The following MUC17 variants were observed in gnomAD, a reference collection of about 807,000 sequenced individuals.
MUC17 encodes the protein mucin 17, cell surface associated, also known as mucin-17.
A neutral mutation model predicts 170.3 loss-of-function variants in MUC17; 190 were observed. The ratio of observed to expected loss-of-function variants is 1.12; its 90% CI spans 0.99 to 1.26. The LOEUF (loss-of-function observed/expected upper bound fraction) is 1.26, where lower values mean the gene tolerates loss of function less well. Among genes scored for constraint, MUC17 ranks in the 50% most tolerant of loss-of-function variants. The probability of loss-of-function intolerance (pLI) is 0.00; values close to 1 mark genes in which losing one functional copy is unlikely to be tolerated. For missense variants in MUC17, 6,415 were observed against 5,530.0 expected (o/e 1.16, Z -5.08); for synonymous variants, 2,325 against 2,002.5 (o/e 1.16, Z -4.30).
Position 101,035,561 on chromosome 7 carries a change from A to C in MUC17, c.4145A>C (p.Glu1382Ala), listed in dbSNP as rs1398969786. ...GCCTGTTCATCTCCTACAACTTCTGAAGGTACCAGCATGCCAAACTCAAAT... is the reference window on the plus strand; with the variant it reads ...GCCTGTTCATCTCCTACAACTTCTGCAGGTACCAGCATGCCAAACTCAAAT... ...TEACSSPTTS[E>A]GTSMPNSNPS... Residue 1382 changes from glutamate to alanine, a missense_variant, in exon 3 of 13, where the codon GAA becomes GCA. Transcript: ENST00000306151. 3.1e-6 allele frequency: 5 copies of C among 1,602,312 alleles called. No individual in the cohort carries two copies. Among genetic ancestry groups the C allele is most frequent in the Non-Finnish European group, 4.3e-6 (5 of 1,173,486 alleles).
intron 3 of MUC17, among the ~76,000 whole-genome samples, chr7:101,045,170 A>T (rs1196157201): frequency 2.0e-5 from 3 of 152,214 alleles, no homozygotes; most frequent in Non-Finnish European, 2.9e-5. Context: ...ATACATTTTT[A>T]AAAGTATGCT....
chr7:101,041,837 A>G lies in MUC17; in HGVS notation c.10421A>G (p.Glu3474Gly), dbSNP rs901825587. 1.2e-6 allele frequency: 2 copies of G among 1,613,920 alleles called. No homozygotes were observed. The highest frequency in any genetic ancestry group is 2.7e-5 in the African/African-American group (2 of 74,846). Residue 3474 changes from glutamate (E) to glycine (G), a missense_variant, in exon 3 of 13, where the codon GAG becomes GGG. Physicochemically the swap from Glu to Gly is moderately conservative, Grantham distance 98. Coordinates refer to ENST00000306151, the MANE Select transcript of MUC17 (RefSeq NM_001040105.2). ...PLSTTPVASSEASTLSTTPVD... is the reference protein window; with the variant it reads ...PLSTTPVASSGASTLSTTPVD... ...AGTACCACGCCGGTGGCCAGTTCTG[A>G]GGCTAGCACCCTTTCAACAACTCCT...
intron 7 of MUC17, among the ~76,000 whole-genome samples, chr7:101,051,174 T>C (rs1284640871): frequency 2.6e-5 from 4 of 151,870 alleles, no homozygotes; most frequent in African/African-American, 2.4e-5. Context: ...GAAACCAGCC[T>C]GGTCAACGTG....
rs1302002845 is a variant in MUC17 at position 101,037,343 on chromosome 7, C to T, written c.5927C>T (p.Pro1976Leu). 6 of 1,613,870 alleles carry T rather than the reference C, an allele frequency of 3.7e-6. No homozygotes were observed. Among genetic ancestry groups the T allele is most frequent in the East Asian group, 2.2e-5 (1 of 44,872 alleles). Residue 1976 changes from proline (P) to leucine (L), a missense_variant, in exon 3 of 13, where the codon CCA becomes CTA. Physicochemically the swap from Pro to Leu is moderately conservative, Grantham distance 98 (BLOSUM62 -3). Coordinates refer to ENST00000306151, the MANE Select transcript of MUC17 (RefSeq NM_001040105.2). ...SPTTADGTSM[P>L]TPAYSEGSTP... is the part of the protein sequence containing the mutation. ...ACAACTGCTGATGGTACCAGCATGC[C>T]AACCCCAGCTTATAGTGAAGGAAGC...
rs763336522 is a variant in MUC17, at chr7:101,032,780, C to A, written c.1364C>A (p.Thr455Lys). 4.3e-6 allele frequency: 7 copies of A among 1,614,024 alleles called. No individual in the cohort carries two copies. Among genetic ancestry groups the A allele is most frequent in the Non-Finnish European group, 5.9e-6 (7 of 1,180,014 alleles). Residue 455 changes from threonine (T) to lysine (K), a missense_variant, in exon 3 of 13, where the codon ACA (threonine) becomes AAA (lysine). Physicochemically the swap from Thr to Lys is moderately conservative, Grantham distance 78 (BLOSUM62 -1). Coordinates refer to ENST00000306151, the MANE Select transcript of MUC17 (RefSeq NM_001040105.2). ...CCTAGTGAAGGAAGCACTCCATTAA[C>A]AAGTATGCCTGTCAGCACCACTCCA... The part of the protein sequence containing the change: ...STPSEGSTPL[T>K]SMPVSTTPVA...
Position 101,035,093 on chromosome 7 carries a change from TC to T in MUC17, c.3678del (p.Arg1227AspfsTer24). On this transcript the variant is annotated frameshift_variant, in exon 3 of 13. Coordinates refer to ENST00000306151, the MANE Select transcript of MUC17 (RefSeq NM_001040105.2). LOFTEE classifies it high-confidence loss of function. ...ERSTPLTSMP[V>X]RHTPVASSEA... ...AGCACTCCATTAACAAGTATGCCTG[TC>T]AGACACACGCCAGTGGCCAGTTCTG... The T allele has an allele frequency of 1.2e-6, 2 of 1,612,102 alleles. No homozygotes were observed. The highest frequency in any genetic ancestry group is 1.7e-6 in the Non-Finnish European group (2 of 1,179,204).
At chr7:101,048,389 G>A (rs954752242) in intron 4 of MUC17, 12 of 245,174 alleles carry the variant, frequency 4.9e-5, no homozygotes, top group Admixed American at 1.1e-4. Context: ...CCAGGAGCTC[G>A]AGACCAGCCT....
In MUC17 at chr7:101,042,665, A is replaced by G. The variant is rs1197171922; in HGVS notation, c.11249A>G (p.Glu3750Gly). 6.2e-7 allele frequency: 1 copy of G among 1,613,626 alleles called. No individual in the cohort carries two copies. The highest frequency in any genetic ancestry group is 8.5e-7 in the Non-Finnish European group (1 of 1,179,858). ...ACCATGTCTGTGTCAATGCCCATGG[A>G]AATAAGCACCCTTGGGACCACTATT... ...STTMSVSMPM[E>G]ISTLGTTILV... is the part of the protein sequence containing the mutation. Residue 3750 changes from glutamate to glycine, a missense_variant, in exon 3 of 13, where the codon GAA becomes GGA. Coordinates refer to ENST00000306151, the MANE Select transcript of MUC17 (RefSeq NM_001040105.2).
chr7:101,041,698 ACT>A lies in MUC17; in HGVS notation c.10285_10286del (p.Leu3429GlyfsTer6). 6.2e-7 allele frequency: 1 copy of A among 1,613,372 alleles called. No homozygotes were observed. Among genetic ancestry groups the A allele is most frequent in the South Asian group, 1.1e-5 (1 of 91,058 alleles). Reference sequence around the variant, plus strand: ...TTCAACAACTCCTGTGGACTCCAACACTCTGGTGACCACTTCTACTGAAGCCA... The same window carrying A: ...TTCAACAACTCCTGTGGACTCCAACACTGGTGACCACTTCTACTGAAGCCA... ...TLSTTPVDSN[T>X]LVTTSTEASS... On this transcript the variant is annotated frameshift_variant, in exon 3 of 13. Transcript: ENST00000306151. LOFTEE classifies it high-confidence loss of function.
chr7:101,039,231 C>T lies in MUC17; in HGVS notation c.7815C>T (p.Val2605=), dbSNP rs749409483. ...CTCCTGTTGACACCAGCATACCTGT[C>T]ACCACTTCTACTGAAACCAGTTCAT... ...STTPVDTSIP[V]TTSTETSSSP... Residue 2605 remains valine (V), a synonymous_variant, in exon 3 of 13, where the codon GTC becomes GTT. Coordinates refer to ENST00000306151, the MANE Select transcript of MUC17 (RefSeq NM_001040105.2). 2 of 1,612,798 alleles carry T rather than the reference C, an allele frequency of 1.2e-6. No homozygotes were observed. Among genetic ancestry groups the T allele is most frequent in the Non-Finnish European group, 1.7e-6 (2 of 1,179,586 alleles).
rs765716503 is a variant in MUC17, at chr7:101,039,371, C to A, written c.7955C>A (p.Thr2652Asn). 21 of 1,612,284 alleles carry A rather than the reference C, an allele frequency of 1.3e-5. No individual in the cohort carries two copies. Among genetic ancestry groups the A allele is most frequent in the Middle Eastern group, 3.3e-4 (2 of 6,076 alleles). The change falls in exon 3 of 13, where the codon ACC (threonine) becomes AAC (asparagine). Residue 2652 changes from threonine (T) to asparagine (N), a missense_variant. Coordinates refer to ENST00000306151, the MANE Select transcript of MUC17 (RefSeq NM_001040105.2). ...TMPVASSEAS[T>N]LSTTPVDTRT... ...CCAGTGGCCAGTTCTGAGGCTAGCA[C>A]CCTTTCAACAACTCCTGTTGACACC...
chr7:101,033,788 C>T lies in MUC17; in HGVS notation c.2372C>T (p.Thr791Ile), dbSNP rs201110487. The change falls in exon 3 of 13, where the codon ACT becomes ATT. Residue 791 changes from threonine (T) to isoleucine (I), a missense_variant. Transcript: ENST00000306151. ...STEASCSPTTTEGTSMPISTP... is the reference protein window; with the variant it reads ...STEASCSPTTIEGTSMPISTP... Reference sequence around the variant, plus strand: ...GAAGCCAGTTGCTCTCCTACAACCACTGAAGGTACCAGCATGCCAATCTCA... The same window carrying T: ...GAAGCCAGTTGCTCTCCTACAACCATTGAAGGTACCAGCATGCCAATCTCA... 5.3e-5 allele frequency: 86 copies of T among 1,614,090 alleles called. 1 individual carries two copies. The African/African-American group carries it at 9.5e-4, about 18-fold the overall frequency.
chr7:101,055,356 C>G (rs760832281), intron 11 of MUC17, among the ~76,000 whole-genome samples: 2 of 151,910 alleles, frequency 1.3e-5, no homozygotes, highest in Non-Finnish European at 2.9e-5. Flanking sequence ...CAGGGTAATA[C>G]TAAACAAAGT....
Position 101,037,819 on chromosome 7 carries a change from A to G in MUC17, c.6403A>G (p.Thr2135Ala), listed in dbSNP as rs1794539243. 5 of 1,613,572 alleles carry G rather than the reference A, an allele frequency of 3.1e-6. No individual in the cohort carries two copies. Among genetic ancestry groups the G allele is most frequent in the Middle Eastern group, 1.7e-4 (1 of 6,056 alleles). ...TPVDSNSPVI[T>A]STEVSSSPIP... Reference sequence around the variant, plus strand: ...TGTTGACTCCAACAGTCCTGTGATCACTTCTACTGAAGTCAGTTCATCTCC... The same window carrying G: ...TGTTGACTCCAACAGTCCTGTGATCGCTTCTACTGAAGTCAGTTCATCTCC... The change falls in exon 3 of 13, where the codon ACT (threonine) becomes GCT (alanine). Residue 2135 changes from threonine to alanine, a missense_variant. Transcript: ENST00000306151.
Position 101,032,188 on chromosome 7 carries a change from A to G in MUC17, c.772A>G (p.Thr258Ala), listed in dbSNP as rs763109639. The change falls in exon 3 of 13, where the codon ACA becomes GCA. Residue 258 changes from threonine (T) to alanine (A), a missense_variant. Physicochemically the swap from Thr to Ala is moderately conservative, Grantham distance 58. Transcript: ENST00000306151. ...TISAQASSSP[T>A]TAEGPSLSNS... ...TTCTGCTCAAGCCAGTTCATCTCCTACAACTGCTGAAGGTCCCAGCCTGTC... is the reference window on the plus strand; with the variant it reads ...TTCTGCTCAAGCCAGTTCATCTCCTGCAACTGCTGAAGGTCCCAGCCTGTC... 2.5e-6 allele frequency: 4 copies of G among 1,614,080 alleles called. No individual in the cohort carries two copies. The South Asian group carries it at 4.4e-5, about 18-fold the overall frequency.
In MUC17 at chr7:101,053,445, C is replaced by T. The variant is rs756109904; in HGVS notation, c.13363+9C>T. 1.6e-5 allele frequency: 26 copies of T among 1,607,968 alleles called. No individual in the cohort carries two copies. The highest frequency in any genetic ancestry group is 3.3e-5 in the Admixed American group (2 of 59,822). ...CTTTGACATCTGCCAAGGTATTGGC[C>T]TTCCTCTCTGAACTCAGAATGGCTC... is the stretch of plus-strand genomic sequence containing the variant. On this transcript the variant is annotated intron_variant, in intron 11 of 12. Transcript: ENST00000306151.
rs980324845 is a variant in MUC17, at chr7:101,040,747, C to A, written c.9331C>A (p.Pro3111Thr). Reference sequence around the variant, plus strand: ...AGGAAGCACTCCATTAACAGGTGTGCCTGTCAGCACCACACCGGTGACCAG... The same window carrying A: ...AGGAAGCACTCCATTAACAGGTGTGACTGTCAGCACCACACCGGTGACCAG... Reference protein sequence around the residue: ...SEGSTPLTGVPVSTTPVTSSA... With the variant: ...SEGSTPLTGVTVSTTPVTSSA... Residue 3111 changes from proline to threonine, a missense_variant, in exon 3 of 13, where the codon CCT (proline) becomes ACT (threonine). Transcript: ENST00000306151. 2.5e-6 allele frequency: 4 copies of A among 1,612,006 alleles called. No homozygotes were observed. Among genetic ancestry groups the A allele is most frequent in the Middle Eastern group, 1.6e-4 (1 of 6,070 alleles).
At chr7:101,024,937 C>CT (rs1794154768) in intron 1 of MUC17, among the ~76,000 whole-genome samples, 1 of 151,950 alleles carries the variant, frequency 6.6e-6, no homozygotes, top group East Asian at 1.9e-4. Flanking sequence ...CTGGCACACT[C>CT]TGTCTTAGGT....
chr7:101,029,351 G>A (rs1794236770), intron 1 of MUC17, among the ~76,000 whole-genome samples: 1 of 151,912 alleles, frequency 6.6e-6, no homozygotes, highest in Non-Finnish European at 1.5e-5. Context: ...GCGAGGCTCT[G>A]TCTCTAAATA....
Sources: gnomAD v4.1 joint callset for allele counts (sites outside exome capture counted in the v4.1 genomes callset) on GRCh38, gnomAD v4.1.1 for gene constraint, MANE v1.5 for transcripts, NCBI Gene and HGNC (gene_info 2026-07-23, HGNC 2026-07-21) for gene names.